The following PPP1R12C variants were observed in gnomAD, a reference collection of about 807,000 sequenced individuals.
The protein encoded by PPP1R12C is protein phosphatase 1 regulatory subunit 12C.
PPP1R12C carries 48 observed loss-of-function variants against 95.6 expected under a neutral mutation model. That is an observed-to-expected ratio of 0.50 (90% confidence interval 0.40 to 0.64). PPP1R12C has a LOEUF of 0.64. PPP1R12C is among the 30% of genes least tolerant of loss of function. The probability of loss-of-function intolerance (pLI) is 0.00; values close to 1 mark genes in which losing one functional copy is unlikely to be tolerated. For missense variants in PPP1R12C, 1,057 were observed against 1,083.3 expected (o/e 0.98, Z 0.34); for synonymous variants, 480 against 460.8 (o/e 1.04, Z -0.53).
rs1173567677 is a variant in PPP1R12C at position 55,093,090 on chromosome 19, GA to G, written c.1765-15del. ...TCGGGAAGGGTCCTGTCGGGAGGGGGAGGCGAGTCAGGGAAGCAGGACATCC... is the reference window on the plus strand; with the variant it reads ...TCGGGAAGGGTCCTGTCGGGAGGGGGGGCGAGTCAGGGAAGCAGGACATCC... On this transcript the variant is annotated splice_polypyrimidine_tract_variant and intron_variant, in intron 14 of 21. Transcript: ENST00000263433. 6.2e-7 allele frequency: 1 copy of G among 1,608,652 alleles called. No homozygotes were observed. The highest frequency in any genetic ancestry group is 8.5e-7 in the Non-Finnish European group (1 of 1,178,902).
rs201970248 is a variant in PPP1R12C, at chr19:55,093,000, C to G, written c.1825+16G>C. On this transcript the variant is annotated intron_variant, in intron 15 of 21. Coordinates refer to ENST00000263433, the MANE Select transcript of PPP1R12C (RefSeq NM_017607.4). ...GATGATTCCCTGGGAATGACCTCCC[C>G]GAGAGCAGACCTCACCTCTCTGGGC... 4.8e-4 allele frequency: 751 copies of G among 1,567,570 alleles called. 13 individuals are homozygous for G. In the South Asian group the frequency reaches 8.1e-3, roughly 17 times the overall value.
intron 6 of PPP1R12C, among the ~76,000 whole-genome samples, chr19:55,098,078 C>G (rs995388103): frequency 1.3e-5 from 2 of 152,234 alleles, no homozygotes; most frequent in African/African-American, 4.8e-5. Context: ...CCCCTGCCCA[C>G]GCACCAGAAG....
In PPP1R12C at chr19:55,091,387, C is replaced by G. The variant is rs994422228; in HGVS notation, c.*85G>C. 6 of 1,341,246 alleles carry G rather than the reference C, an allele frequency of 4.5e-6. No individual in the cohort carries two copies. The East Asian group carries it at 1.5e-4, about 33-fold the overall frequency. 83.1% of individuals were successfully genotyped at this position (1,341,246 alleles called of 1,614,324 possible). A position where few individuals can be genotyped will look rare whatever the true frequency, so the allele number is the denominator to read the frequency against. ...GGCTTCTCTGAGACTTCCCCCGGAG[C>G]CCTGTCACTCGTGTTCACACGGGGG... On this transcript the variant is annotated 3_prime_UTR_variant, in exon 22 of 22. Coordinates refer to ENST00000263433, the MANE Select transcript of PPP1R12C (RefSeq NM_017607.4).
Position 55,096,325 on chromosome 19 carries a change from T to G in PPP1R12C, c.962A>C (p.Gln321Pro), listed in dbSNP as rs759156073. The G allele has an allele frequency of 7.4e-6, 12 of 1,613,404 alleles. No individual in the cohort carries two copies. The highest frequency in any genetic ancestry group is 9.3e-6 in the Non-Finnish European group (11 of 1,179,840). Residue 321 changes from glutamine to proline, a missense_variant, in exon 7 of 22, where the codon CAA becomes CCA. Around this residue, in one of 5 missense-constraint regions of PPP1R12C, gnomAD observed 356 missense variants for 330.5 expected, o/e 1.08. Coordinates refer to ENST00000263433, the MANE Select transcript of PPP1R12C (RefSeq NM_017607.4). ...GCCCCGGCTCTGGGAAGCTTCTTTTTGGTTCCGAAGCTGCAAGGAGGGAAG... is the reference window on the plus strand; with the variant it reads ...GCCCCGGCTCTGGGAAGCTTCTTTTGGGTTCCGAAGCTGCAAGGAGGGAAG... ...LARKQEDLRNQKEASQSRGQE... is the reference protein window; with the variant it reads ...LARKQEDLRNPKEASQSRGQE...
chr19:55,092,518 C>T lies in PPP1R12C; in HGVS notation c.1979G>A (p.Arg660His). 1 of 1,607,926 alleles carries T rather than the reference C, an allele frequency of 6.2e-7. No homozygotes were observed. The highest frequency in any genetic ancestry group is 8.5e-7 in the Non-Finnish European group (1 of 1,177,742). ...SSTLEGGPSA[R>H]RQRWQRDLNP... Reference sequence around the variant, plus strand: ...GAGGTCCCGCTGCCACCGCTGCCTGCGGGCCGAGGGGCCGCCCTCCAGGGT... The same window carrying T: ...GAGGTCCCGCTGCCACCGCTGCCTGTGGGCCGAGGGGCCGCCCTCCAGGGT... The change falls in exon 18 of 22, where the codon CGC (arginine) becomes CAC (histidine). Residue 660 changes from arginine to histidine, a missense_variant. This residue lies in a region of PPP1R12C where 347 missense variants were observed against 307.9 expected (regional missense o/e 1.13). Transcript: ENST00000263433.
rs1458854186 is a variant in PPP1R12C, at chr19:55,091,880, G to A, written c.2190C>T (p.Ala730=). The A allele has an allele frequency of 8.7e-6, 14 of 1,613,234 alleles. No homozygotes were observed. Among genetic ancestry groups the A allele is most frequent in the Admixed American group, 1.7e-5 (1 of 59,994 alleles). The stretch of plus-strand genomic sequence containing the variant: ...TCACGAATCTCTCCAGTTCCAGGAG[G>A]GCTGGCCTCTCAGCGAAGCGTTCTT... ...QRQERFAERP[A]LLELERFERR... Residue 730 remains alanine, a synonymous_variant, in exon 20 of 22, where the codon GCC becomes GCT. Transcript: ENST00000263433.
At position 55,112,447 on chromosome 19, in the gene PPP1R12C, C is replaced by CA; in HGVS notation, c.571+19dup. 1 of 1,602,270 alleles carries CA rather than the reference C, an allele frequency of 6.2e-7. No homozygotes were observed. The highest frequency in any genetic ancestry group is 8.5e-7 in the Non-Finnish European group (1 of 1,175,308). The stretch of plus-strand genomic sequence containing the variant: ...GTGAGGAGGTGTCCCCCACCCCACA[C>CA]ACAGCACACCAGAGCCCACCTCGGC... On this transcript the variant is annotated intron_variant, in intron 3 of 21. Coordinates refer to ENST00000263433, the MANE Select transcript of PPP1R12C (RefSeq NM_017607.4).
intron 1 of PPP1R12C, chr19:55,113,757 CGCACGTGCCCTGG>C (rs1461283036): frequency 5.2e-6 from 2 of 385,656 alleles, no homozygotes; most frequent in African/African-American, 4.2e-5. Context: ...GTGAAGGGGC[CGCACGTGCCCTGG>C]GAACGGGATG....
intron 3 of PPP1R12C, among the ~76,000 whole-genome samples, chr19:55,110,723 T>G: frequency 6.6e-6 from 1 of 151,686 alleles, no homozygotes; most frequent in African/African-American, 2.4e-5. Context: ...AAATGCAAAA[T>G]TAGCTGGGCA....
intron 6 of PPP1R12C, 85 bp downstream of exon 6, chr19:55,098,699 G>T (rs906129229): frequency 4.6e-6 from 4 of 861,168 alleles, no homozygotes; most frequent in Middle Eastern, 3.2e-4. Context: ...GTCAGAAGTC[G>T]GGGGGGTTCC....
At position 55,112,581 on chromosome 19, in the gene PPP1R12C, G is replaced by A; in HGVS notation, c.457C>T (p.Leu153Phe). 3 of 1,613,234 alleles carry A rather than the reference G, an allele frequency of 1.9e-6. No homozygotes were observed. The highest frequency in any genetic ancestry group is 2.5e-6 in the Non-Finnish European group (3 of 1,179,616). Residue 153 changes from leucine (L) to phenylalanine (F), a missense_variant, in exon 3 of 22, where the codon CTC (leucine) becomes TTC (phenylalanine). Physicochemically the swap from Leu to Phe is conservative, Grantham distance 22. Coordinates refer to ENST00000263433, the MANE Select transcript of PPP1R12C (RefSeq NM_017607.4). ...SCGYLDIARYLLSHGANIAAV... is the reference protein window; with the variant it reads ...SCGYLDIARYFLSHGANIAAV... ...GCGATGTTGGCCCCGTGGCTCAGGA[G>A]GTACCTGGGGGTGGGGGCTGGTCAG...
chr19:55,103,456 G>C lies in PPP1R12C; in HGVS notation c.684C>G (p.Ala228=). ...MPEARHPRTG[A]SALHVAAAKG... Reference sequence around the variant, plus strand: ...TGGCAGCAGCCACGTGCAGGGCAGAGGCGCCTGTGCGGGGGTGCCGGGCCT... The same window carrying C: ...TGGCAGCAGCCACGTGCAGGGCAGACGCGCCTGTGCGGGGGTGCCGGGCCT... Residue 228 remains alanine, a synonymous_variant, in exon 4 of 22, where the codon GCC becomes GCG. Transcript: ENST00000263433. 1 of 1,590,572 alleles carries C rather than the reference G, an allele frequency of 6.3e-7. No homozygotes were observed. The highest frequency in any genetic ancestry group is 8.6e-7 in the Non-Finnish European group (1 of 1,163,422).
chr19:55,095,400 A>T, intron 10 of PPP1R12C, 42 bp from the exon 11 acceptor site: 1 of 1,567,372 alleles, frequency 6.4e-7, no homozygotes, highest in Non-Finnish European at 8.6e-7. Context: ...AGTTCCCTCG[A>T]CTGGGCAGGG....
intron 6 of PPP1R12C, among the ~76,000 whole-genome samples, chr19:55,097,514 C>A (rs553292133): frequency 7.2e-6 from 1 of 138,410 alleles, no homozygotes; most frequent in East Asian, 2.2e-4. Flanking sequence ...ACCCCTACCC[C>A]GCACAGTTCG....
chr19:55,094,825 C>T, intron 11 of PPP1R12C, 27 bp from the exon 12 acceptor site: 2 of 1,570,380 alleles, frequency 1.3e-6, no homozygotes, highest in Non-Finnish European at 8.6e-7. Context: ...ATTCCACAAA[C>T]ATTACCCAGG....
intron 20 of PPP1R12C, 60 bp downstream of exon 20, chr19:55,091,799 A>C (rs376897813): frequency 6.2e-7 from 1 of 1,611,522 alleles, no homozygotes; most frequent in Non-Finnish European, 8.5e-7. Flanking sequence ...CCCTTGGTCC[A>C]AACTTAGGGA....
chr19:55,095,731 G>A (rs1475429036), intron 9 of PPP1R12C, 128 bp from the exon 10 acceptor site: 1 of 1,517,524 alleles, frequency 6.6e-7, no homozygotes, highest in Non-Finnish European at 9.1e-7. Context: ...AGCCTAAAAA[G>A]GAAGCCGGTT....
At chr19:55,111,825 G>A (rs912370042) in intron 3 of PPP1R12C, 1 of 152,204 alleles carries the variant, frequency 6.6e-6, no homozygotes, top group Non-Finnish European at 1.5e-5. Context: ...GGAAATCAGG[G>A]AAGCAAGCTT....
intron 19 of PPP1R12C, 130 bp downstream of exon 19, chr19:55,092,092 A>C: frequency 9.1e-7 from 1 of 1,095,498 alleles, no homozygotes; most frequent in Admixed American, 2.3e-5. Flanking sequence ...CGCCTCCGAG[A>C]TCTCGGCCCC....
Sources: allele counts gnomAD v4.1 joint callset (sites outside exome capture counted in the v4.1 genomes callset), GRCh38; gene constraint gnomAD v4.1.1; regional missense constraint gnomAD v4.1.1; transcripts MANE v1.5; gene names NCBI Gene and HGNC (gene_info 2026-07-23, HGNC 2026-07-21).